The following TNRC6B variants were observed in gnomAD, a reference collection of about 807,000 sequenced individuals.
TNRC6B encodes trinucleotide repeat containing adaptor 6B.
In TNRC6B, 52 loss-of-function variants were observed where a neutral mutation model predicts 203.6. The observed-to-expected ratio is 0.26, with a 90% confidence interval of 0.20 to 0.32. The LOEUF is 0.32. Among genes scored for constraint, TNRC6B ranks in the 10% least tolerant of loss-of-function variants. The pLI, the probability that TNRC6B is intolerant of heterozygous loss-of-function variation, is 1.00. For missense variants in TNRC6B, 1,923 were observed against 2,286.2 expected, an observed-to-expected ratio of 0.84 and a Z score of 3.24; for synonymous variants, 838 against 845.7, an observed-to-expected ratio of 0.99 and a Z score of 0.16.
At position 40,263,963 on chromosome 22, in the gene TNRC6B, G is replaced by A. The variant is rs1601467355; in HGVS notation, c.458-725G>A. ...GTTGTGAACATGGTGCCACAGCACT[G>A]AGCAAAATGGCTCTAGACAGGGAAA... On this transcript the variant is annotated intron_variant, in intron 4 of 22. Coordinates refer to ENST00000454349, the MANE Select transcript of TNRC6B (RefSeq NM_001162501.2). Among the ~76,000 whole-genome samples, 4 of 152,362 alleles carry A rather than the reference G, an allele frequency of 2.6e-5. No individual in the cohort carries two copies. In the Middle Eastern group the frequency reaches 0.014, roughly 518 times the overall value.
intron 6 of TNRC6B, among the ~76,000 whole-genome samples, chr22:40,272,519 T>C (rs965122129): frequency 1.2e-4 from 18 of 152,050 alleles, no homozygotes; most frequent in African/African-American, 4.3e-4. Context: ...TGTGGGAGAG[T>C]AGAGGTGCAG....
chr22:40,174,444 G>A (rs1367324346), upstream of TNRC6B, among the ~76,000 whole-genome samples: 3 of 152,078 alleles, frequency 2.0e-5, no homozygotes, highest in African/African-American at 7.2e-5. Flanking sequence ...GCGTCCCAAA[G>A]TGCTGGGATT....
chr22:40,335,450 AG>A lies in TNRC6B; in HGVS notation c.*12211del, dbSNP rs2044022371. The stretch of plus-strand genomic sequence containing the variant: ...TTTTATGTGTATTTTTTGCCATAGC[AG>A]GTACTGTATTTCTCATGCTGGATTT... On this transcript the variant is annotated 3_prime_UTR_variant, in exon 23 of 23. Coordinates refer to ENST00000454349, the MANE Select transcript of TNRC6B (RefSeq NM_001162501.2). 1 of 150,480 alleles carries A rather than the reference AG, an allele frequency of 6.6e-6. No individual in the cohort carries two copies. Among genetic ancestry groups the A allele is most frequent in the Non-Finnish European group, 1.5e-5 (1 of 67,650 alleles). The allele number at this position is 150,480 out of a possible 1,614,324, so 9.3% of individuals were successfully genotyped here.
chr22:40,102,741 C>G (rs1002269094), intron 1 of TNRC6B, among the ~76,000 whole-genome samples: 1 of 151,832 alleles, frequency 6.6e-6, no homozygotes. Flanking sequence ...AGTTAAGAGA[C>G]CAGCCTGGGC....
At chr22:40,239,608 A>G (rs2069999424) in intron 1 of TNRC6B, among the ~76,000 whole-genome samples, 1 of 152,122 alleles carries the variant, frequency 6.6e-6, no homozygotes, top group Admixed American at 6.5e-5. Flanking sequence ...GAAAATGTAA[A>G]AGCTAGAACT....
intron 3 of TNRC6B, among the ~76,000 whole-genome samples, chr22:40,137,902 T>A (rs577912536): frequency 2.7e-5 from 4 of 150,550 alleles, no homozygotes; most frequent in African/African-American, 9.8e-5. Flanking sequence ...GAAAATCGCT[T>A]GAATTGGGAG....
intron 1 of TNRC6B, among the ~76,000 whole-genome samples, chr22:40,219,770 C>T (rs1209393514): frequency 6.6e-6 from 1 of 152,190 alleles, no homozygotes; most frequent in Non-Finnish European, 1.5e-5. Flanking sequence ...AGGACCCATT[C>T]CCCGTCCTCT....
intron 1 of TNRC6B, among the ~76,000 whole-genome samples, chr22:40,071,847 C>T (rs760722266): frequency 2.0e-5 from 3 of 152,172 alleles, no homozygotes; most frequent in Non-Finnish European, 2.9e-5. Context: ...TGGTTTTGAA[C>T]TGTTAATTAA....
chr22:40,069,083 T>C (rs888833337), intron 1 of TNRC6B, among the ~76,000 whole-genome samples: 1 of 152,158 alleles, frequency 6.6e-6, no homozygotes, highest in African/African-American at 2.4e-5. Context: ...TTCCAGGACC[T>C]AGCCACAAAT....
At chr22:40,194,386 G>C (rs2069310942) in intron 1 of TNRC6B, among the ~76,000 whole-genome samples, 1 of 152,172 alleles carries the variant, frequency 6.6e-6, no homozygotes, top group Non-Finnish European at 1.5e-5. Flanking sequence ...CTCGGCTGCT[G>C]AGCTTCTGTG....
At chr22:40,176,449 GTTAC>G (rs1045443401), upstream of TNRC6B, among the ~76,000 whole-genome samples, 1 of 152,008 alleles carries the variant, frequency 6.6e-6, no homozygotes, top group African/African-American at 2.4e-5. Flanking sequence ...TACCATTTTA[GTTAC>G]TTTCTTTCCT....
intron 15 of TNRC6B, among the ~76,000 whole-genome samples, chr22:40,303,188 C>A (rs2071048262): frequency 6.6e-6 from 1 of 151,890 alleles, no homozygotes. Context: ...TGCCACCACT[C>A]CCAGCTAATT....
intron 1 of TNRC6B, among the ~76,000 whole-genome samples, chr22:40,083,763 A>G (rs1430209708): frequency 6.6e-6 from 1 of 152,084 alleles, no homozygotes; most frequent in Non-Finnish European, 1.5e-5. Flanking sequence ...TAGGGGAAAG[A>G]GGGGAAAATT....
At chr22:40,283,273 C>T (rs1013922761) in intron 11 of TNRC6B, among the ~76,000 whole-genome samples, 10 of 152,142 alleles carry the variant, frequency 6.6e-5, no homozygotes, top group African/African-American at 1.9e-4. Context: ...CTCCTGACCT[C>T]GTGATCCGCC....
At chr22:40,149,134 A>G (rs1240905397) in intron 3 of TNRC6B, among the ~76,000 whole-genome samples, 1 of 152,252 alleles carries the variant, frequency 6.6e-6, no homozygotes, top group Non-Finnish European at 1.5e-5. Flanking sequence ...TCAAACACCC[A>G]TCAAATTGTG....
Position 40,265,143 on chromosome 22 carries a change from A to G in TNRC6B, c.913A>G (p.Asn305Asp). 1.9e-6 allele frequency: 3 copies of G among 1,613,998 alleles called. No individual in the cohort carries two copies. The highest frequency in any genetic ancestry group is 2.5e-6 in the Non-Finnish European group (3 of 1,179,884). Residue 305 changes from asparagine (N) to aspartate (D), a missense_variant, in exon 5 of 23, where the codon AAT becomes GAT. Physicochemically the swap from Asn to Asp is conservative, Grantham distance 23. Around this residue, in one of 8 missense-constraint regions of TNRC6B, gnomAD observed 614 missense variants for 587.7 expected, o/e 1.04. Coordinates refer to ENST00000454349, the MANE Select transcript of TNRC6B (RefSeq NM_001162501.2). Reference protein sequence around the residue: ...PGSGFSNFNPNSNPSAWPALV... With the variant: ...PGSGFSNFNPDSNPSAWPALV... ...CTCTGGCTTCAGCAACTTTAACCCA[A>G]ATAGCAACCCATCTGCCTGGCCAGC... is the stretch of plus-strand genomic sequence containing the variant.
intron 3 of TNRC6B, among the ~76,000 whole-genome samples, chr22:40,155,350 G>A (rs571333504): frequency 2.6e-5 from 4 of 152,098 alleles, no homozygotes; most frequent in Admixed American, 6.6e-5. Flanking sequence ...GTACAGTGGC[G>A]TGATCTCGGC....
At chr22:40,221,266 G>A (rs2069704326) in intron 1 of TNRC6B, among the ~76,000 whole-genome samples, 1 of 152,042 alleles carries the variant, frequency 6.6e-6, no homozygotes, top group South Asian at 2.1e-4. Context: ...GTACGTACCT[G>A]GGTTCCTAAG....
intron 12 of TNRC6B, among the ~76,000 whole-genome samples, chr22:40,290,382 G>A (rs4820409): frequency 0.31 from 47,364 of 152,102 alleles, 8,118 homozygotes; most frequent in South Asian, 0.46. Flanking sequence ...GAATCCCCTC[G>A]TGGCTGGTTC....
Sources: gnomAD v4.1 joint callset for allele counts (sites outside exome capture counted in the v4.1 genomes callset) on GRCh38, gnomAD v4.1.1 for gene constraint, gnomAD v4.1.1 regional missense constraint, MANE v1.5 for transcripts, NCBI Gene and HGNC (gene_info 2026-07-23, HGNC 2026-07-21) for gene names.